Variants in SLC9A7 observed in about 807,000 individuals in gnomAD.
SLC9A7 encodes the protein sodium/hydrogen exchanger 7.
A neutral mutation model predicts 52.6 loss-of-function variants in SLC9A7; 19 were observed. The observed-to-expected ratio is 0.36, with a 90% CI of 0.25 to 0.53. The LOEUF is 0.53. SLC9A7 is among the 20% of genes least tolerant of loss of function. The probability of loss-of-function intolerance (pLI) is 0.91; values close to 1 mark genes in which losing one functional copy is unlikely to be tolerated. For synonymous variants in SLC9A7, 226 were observed against 252.1 expected (o/e 0.90, Z 0.98); for missense variants, 455 against 597.9 (o/e 0.76, Z 2.49).
In SLC9A7 at chrX:46,667,384, GT is replaced by G. The variant is rs372101417; in HGVS notation, c.793+2222del. 2.5e-3 allele frequency among the ~76,000 whole-genome samples: 260 copies of G among 105,080 alleles called. 1 individual carries two copies. Among genetic ancestry groups the G allele is most frequent in the African/African-American group, 8.0e-3 (232 of 29,114 alleles). The allele number at this position is 105,080 out of a possible 115,157, so 91.2% of individuals were successfully genotyped here. On this transcript the variant is annotated intron_variant, in intron 5 of 16. Transcript: ENST00000616978. ...AAATATGAGGGTAAGAGAGGTCAAT[GT>G]TTTTTTTTTTGAACATTGAGATTCT...
At chrX:46,718,462 T>C (rs1367284050) in intron 1 of SLC9A7, among the ~76,000 whole-genome samples, 1 of 111,671 alleles carries the variant, frequency 9.0e-6, no homozygotes, top group Non-Finnish European at 1.9e-5. Flanking sequence ...CTAATTAAAC[T>C]AAAGAGCTTC....
intron 1 of SLC9A7, among the ~76,000 whole-genome samples, chrX:46,730,464 C>A (rs1259997712): frequency 9.5e-6 from 1 of 105,161 alleles, no homozygotes; most frequent in African/African-American, 3.4e-5. Flanking sequence ...TTCAAGACCA[C>A]CCTGGGAATC....
At chrX:46,733,729 T>G (rs1381868201) in intron 1 of SLC9A7, among the ~76,000 whole-genome samples, 4 of 110,334 alleles carry the variant, frequency 3.6e-5, no homozygotes, top group African/African-American at 1.3e-4. Flanking sequence ...GCAACCACTA[T>G]GAAACTAACT....
At chrX:46,703,486 A>T (rs1944561592) in intron 1 of SLC9A7, among the ~76,000 whole-genome samples, 1 of 111,819 alleles carries the variant, frequency 8.9e-6, no homozygotes, top group Non-Finnish European at 1.9e-5. Context: ...CATTTCTTGG[A>T]ATTCGATTTG....
At chrX:46,715,651 T>C (rs988707904) in intron 1 of SLC9A7, among the ~76,000 whole-genome samples, 7 of 112,140 alleles carry the variant, frequency 6.2e-5, no homozygotes, top group African/African-American at 2.3e-4. Flanking sequence ...TGACTTAGAA[T>C]TGACTTACAA....
chrX:46,678,720 A>G lies in SLC9A7; in HGVS notation c.603+958T>C, dbSNP rs1333390852. Among the ~76,000 whole-genome samples the G allele has an allele frequency of 9.9e-5, 11 of 111,082 alleles. No individual in the cohort carries two copies. In the Admixed American group the frequency reaches 1.1e-3, roughly 11 times the overall value. On this transcript the variant is annotated intron_variant, in intron 3 of 16. Coordinates refer to ENST00000616978, the MANE Select transcript of SLC9A7 (RefSeq NM_001257291.2). ...CTGTCTAGCACGATGACCCTCAGTA[A>G]TAAGGATACTTAGGTTCTTTAAAAC... is the stretch of plus-strand genomic sequence containing the variant.
chrX:46,635,401 A>T (rs1264426327), intron 13 of SLC9A7, among the ~76,000 whole-genome samples, 188 bp downstream of exon 13: 1 of 112,265 alleles, frequency 8.9e-6, no homozygotes, highest in African/African-American at 3.2e-5. Context: ...ACACTGACAC[A>T]TCAATCAACC....
At position 46,606,895 on chromosome X, in the gene SLC9A7, C is replaced by T. The variant is rs1942752718; in HGVS notation, c.*57G>A. On this transcript the variant is annotated 3_prime_UTR_variant, in exon 17 of 17. Coordinates refer to ENST00000616978, the MANE Select transcript of SLC9A7 (RefSeq NM_001257291.2). ...CCACCTCCAACAACACTAGGGCTTG[C>T]AGCTGTCCTCACCCCATCGGGAGCC... 3.3e-6 allele frequency: 4 copies of T among 1,202,830 alleles called. No individual in the cohort carries two copies. The highest frequency in any genetic ancestry group is 4.5e-6 in the Non-Finnish European group (4 of 889,889).
chrX:46,617,297 G>A (rs981034422), intron 15 of SLC9A7, among the ~76,000 whole-genome samples: 1 of 111,308 alleles, frequency 9.0e-6, no homozygotes, highest in Non-Finnish European at 1.9e-5. Flanking sequence ...ATCTTCTCTA[G>A]TATCATGACT....
At chrX:46,745,706 A>G (rs1357283236) in intron 1 of SLC9A7, among the ~76,000 whole-genome samples, 3 of 110,245 alleles carry the variant, frequency 2.7e-5, no homozygotes, top group East Asian at 5.7e-4. Context: ...TTAGCCAAAC[A>G]TGGTGGTATG....
chrX:46,633,613 G>T (rs1943267988), intron 13 of SLC9A7, among the ~76,000 whole-genome samples: 1 of 108,499 alleles, frequency 9.2e-6, no homozygotes, highest in African/African-American at 3.4e-5. Context: ...ATGGGCCAGG[G>T]TGTTTTGGTG....
chrX:46,695,976 CTTATTTAT>C (rs61703323), intron 1 of SLC9A7, among the ~76,000 whole-genome samples: 4 of 104,524 alleles, frequency 3.8e-5, no homozygotes, highest in South Asian at 4.3e-4. Context: ...TATATTTTTA[CTTATTTAT>C]TTATTTATTT....
At chrX:46,626,761 GCT>G (rs201082806) in intron 14 of SLC9A7, among the ~76,000 whole-genome samples, 6 of 111,496 alleles carry the variant, frequency 5.4e-5, no homozygotes, top group African/African-American at 1.6e-4. Context: ...CTTCCCCCTT[GCT>G]CTCTCTCTCT....
intron 13 of SLC9A7, among the ~76,000 whole-genome samples, chrX:46,634,685 G>T (rs1290075159): frequency 8.9e-6 from 1 of 111,828 alleles, no homozygotes. Context: ...ATGAACATGT[G>T]TGTGTAGAAA....
intron 1 of SLC9A7, among the ~76,000 whole-genome samples, chrX:46,720,768 G>A (rs1437225926): frequency 1.8e-5 from 2 of 111,657 alleles, no homozygotes; most frequent in South Asian, 3.7e-4. Context: ...CCTCACAGCC[G>A]TGGCAGAGAA....
At chrX:46,685,569 G>A (rs1019016031) in intron 1 of SLC9A7, 1 of 111,542 alleles carries the variant, frequency 9.0e-6, no homozygotes, top group African/African-American at 3.3e-5. Flanking sequence ...CATGTTTGCG[G>A]TCACAGTAAT....
chrX:46,612,370 G>A (rs1022729945), intron 16 of SLC9A7, among the ~76,000 whole-genome samples: 2 of 111,291 alleles, frequency 1.8e-5, no homozygotes, highest in African/African-American at 6.5e-5. Flanking sequence ...CTACCTCTCT[G>A]CCCTGTACCC....
intron 1 of SLC9A7, among the ~76,000 whole-genome samples, chrX:46,727,109 T>G (rs948668465): frequency 1.1e-4 from 12 of 111,994 alleles, no homozygotes; most frequent in Non-Finnish European, 2.1e-4. Flanking sequence ...AATTCACTTT[T>G]TAATGGAATG....
Position 46,600,531 on chromosome X carries a change from G to A in SLC9A7, c.*6421C>T, listed in dbSNP as rs1942645100. 1 of 111,948 alleles carries A rather than the reference G, an allele frequency of 8.9e-6. No homozygotes were observed. The highest frequency in any genetic ancestry group is 3.7e-4 in the South Asian group (1 of 2,708). 9.2% of individuals were successfully genotyped at this position (111,948 alleles called of 1,213,427 possible). A position where few individuals can be genotyped will look rare whatever the true frequency, so the allele number is the denominator to read the frequency against. ...AGGTAGCAGAAAACCGGCTGCCTGT[G>A]TGTTCCATATGGGCCACGACTATAG... On this transcript the variant is annotated 3_prime_UTR_variant, in exon 17 of 17. Coordinates refer to ENST00000616978, the MANE Select transcript of SLC9A7 (RefSeq NM_001257291.2).
Sources: allele counts gnomAD v4.1 joint callset (sites outside exome capture counted in the v4.1 genomes callset), GRCh38; gene constraint gnomAD v4.1.1; transcripts MANE v1.5; gene names NCBI Gene and HGNC (gene_info 2026-07-23, HGNC 2026-07-21).